CUEDC1: variants seen among roughly 807,000 people sequenced by gnomAD.
CUEDC1 encodes the protein CUE domain-containing protein 1.
CUEDC1 carries 30 observed loss-of-function variants against 43.7 expected under a neutral mutation model. That is an observed-to-expected ratio of 0.69 (90% CI 0.51 to 0.93). CUEDC1 has a LOEUF of 0.93. Ranked by LOEUF, CUEDC1 falls within the 40% of genes least tolerant of loss-of-function variation. CUEDC1 has a pLI of 0.00. For synonymous variants in CUEDC1, 223 were observed against 223.6 expected (o/e 1.00, Z 0.02); for missense variants, 486 against 549.0 (o/e 0.89, Z 1.15).
At chr17:57,927,867 G>A (rs1042164356) in intron 1 of CUEDC1, among the ~76,000 whole-genome samples, 3 of 152,198 alleles carry the variant, frequency 2.0e-5, no homozygotes, top group Admixed American at 6.5e-5. Context: ...ACCCTGTAAG[G>A]TCGGTACTGT....
At chr17:57,952,287 C>T (rs559066755) in intron 1 of CUEDC1, among the ~76,000 whole-genome samples, 1 of 151,624 alleles carries the variant, frequency 6.6e-6, no homozygotes, top group East Asian at 1.9e-4. Context: ...AGTGCAATGG[C>T]ACAACTTCGG....
At chr17:57,953,272 A>C (rs1173492856) in intron 1 of CUEDC1, among the ~76,000 whole-genome samples, 3 of 152,206 alleles carry the variant, frequency 2.0e-5, no homozygotes, top group African/African-American at 7.2e-5. Flanking sequence ...CAGTGGGCCT[A>C]GTCCAGTGCC....
chr17:57,882,715 G>A (rs1426507720), intron 2 of CUEDC1, among the ~76,000 whole-genome samples: 1 of 152,184 alleles, frequency 6.6e-6, no homozygotes, highest in Non-Finnish European at 1.5e-5. Flanking sequence ...AGATGAGGAT[G>A]AAGCCCTTTA....
At chr17:57,949,726 C>G (rs2074989211) in intron 1 of CUEDC1, among the ~76,000 whole-genome samples, 1 of 151,972 alleles carries the variant, frequency 6.6e-6, no homozygotes, top group African/African-American at 2.4e-5. Context: ...ATACATGCCA[C>G]CACGCCTAGC....
At chr17:57,868,578 C>A (rs1011143579) in intron 7 of CUEDC1, 24 of 376,380 alleles carry the variant, frequency 6.4e-5, no homozygotes, top group Non-Finnish European at 3.0e-5. Flanking sequence ...CCCGCCGCCA[C>A]CGCCTTCCCG....
chr17:57,903,327 T>C (rs1231329220), intron 1 of CUEDC1: 1 of 152,258 alleles, frequency 6.6e-6, no homozygotes, highest in East Asian at 1.9e-4. Context: ...TGTATTTCCA[T>C]GGCAGCCACA....
chr17:57,928,161 C>A (rs1395903608), intron 1 of CUEDC1, among the ~76,000 whole-genome samples: 3 of 152,164 alleles, frequency 2.0e-5, no homozygotes, highest in African/African-American at 7.2e-5. Flanking sequence ...AAATCGAATG[C>A]AATTTAATGT....
chr17:57,891,094 T>C (rs541672293), intron 1 of CUEDC1, among the ~76,000 whole-genome samples: 3 of 152,314 alleles, frequency 2.0e-5, no homozygotes, highest in East Asian at 1.9e-4. Context: ...TGGCTTGGAA[T>C]ACCATCTGCA....
intron 1 of CUEDC1, among the ~76,000 whole-genome samples, chr17:57,950,208 T>C (rs936022469): frequency 6.6e-6 from 1 of 151,660 alleles, no homozygotes; most frequent in Non-Finnish European, 1.5e-5. Context: ...TGGAGTGTAG[T>C]GGCGCGATCT....
intron 1 of CUEDC1, among the ~76,000 whole-genome samples, chr17:57,912,939 C>T (rs943000414): frequency 1.3e-5 from 2 of 152,132 alleles, no homozygotes; most frequent in African/African-American, 4.8e-5. Context: ...ACCTCCTGGG[C>T]TCAAAAGCGA....
chr17:57,910,057 T>C (rs758672075), intron 1 of CUEDC1, among the ~76,000 whole-genome samples: 11 of 152,168 alleles, frequency 7.2e-5, no homozygotes, highest in Non-Finnish European at 1.5e-4. Flanking sequence ...TGCAGGACCA[T>C]AGCTCACTGC....
Position 57,879,611 on chromosome 17 carries a change from C to CGGGGAGGCGGAGTCG in CUEDC1, c.449_463dup (p.Pro150_Pro154dup). ...GCTCTGAGACATGACAGATTCTCAC[C>CGGGGAGGCGGAGTCG]GGGGAGGCGGAGTCGGGGGAGCCAG... On this transcript the variant is annotated inframe_insertion and splice_region_variant, in exon 3 of 11. Coordinates refer to ENST00000577830, the MANE Select transcript of CUEDC1 (RefSeq NM_001271875.2). 6.3e-7 allele frequency: 1 copy of CGGGGAGGCGGAGTCG among 1,587,826 alleles called. No homozygotes were observed. Among genetic ancestry groups the CGGGGAGGCGGAGTCG allele is most frequent in the Non-Finnish European group, 8.5e-7 (1 of 1,171,496 alleles).
intron 1 of CUEDC1, among the ~76,000 whole-genome samples, chr17:57,918,175 T>C (rs1461572497): frequency 6.6e-6 from 1 of 152,200 alleles, no homozygotes; most frequent in East Asian, 1.9e-4. Flanking sequence ...TACTCAACAG[T>C]CTTCCCACCA....
At chr17:57,887,400 C>A (rs570575885) in intron 1 of CUEDC1, among the ~76,000 whole-genome samples, 4 of 152,192 alleles carry the variant, frequency 2.6e-5, no homozygotes, top group Admixed American at 6.5e-5. Context: ...TTTTAAGGGA[C>A]AATTCCATCA....
chr17:57,864,982 G>A (rs1361485290), intron 10 of CUEDC1, among the ~76,000 whole-genome samples: 8 of 152,192 alleles, frequency 5.3e-5, no homozygotes, highest in Non-Finnish European at 1.0e-4. Flanking sequence ...GCTTGAACCT[G>A]AGAGGTGAAG....
In CUEDC1 at chr17:57,871,289, G is replaced by T. The variant is rs2074030950; in HGVS notation, c.865C>A (p.Pro289Thr). ...CTTCCCCAGAAGGCAAAGTTACCTG[G>T]GACAGGAGAGGAAAAGCCAAAGTCG... ...GNDFGFSSPV[P>T]GTGDANPAVS... The change falls in exon 6 of 11, where the codon CCA (proline) becomes ACA (threonine). Residue 289 changes from proline to threonine, a missense_variant. Coordinates refer to ENST00000577830, the MANE Select transcript of CUEDC1 (RefSeq NM_001271875.2). The T allele has an allele frequency of 3.7e-6, 6 of 1,612,780 alleles. No individual in the cohort carries two copies. The highest frequency in any genetic ancestry group is 5.1e-6 in the Non-Finnish European group (6 of 1,178,908).
intron 1 of CUEDC1, among the ~76,000 whole-genome samples, chr17:57,898,038 G>GA (rs1419946520): frequency 3.3e-5 from 5 of 152,154 alleles, no homozygotes; most frequent in African/African-American, 7.2e-5. Context: ...AATTGTGGTA[G>GA]AAAAAATCTT....
Position 57,879,652 on chromosome 17 carries a change from G to A in CUEDC1, c.423C>T (p.Phe141=), listed in dbSNP as rs377293899. Reference sequence around the variant, plus strand: ...GGGGAGCCAGAGGGTAGGGCCGGTCGAACACGTGCATGTGGTAGGCTGGCG... The same window carrying A: ...GGGGAGCCAGAGGGTAGGGCCGGTCAAACACGTGCATGTGGTAGGCTGGCG... The part of the protein sequence containing the change: ...YSPPAYHMHV[F]DRPYPLAPPT... The change falls in exon 3 of 11, where the codon TTC becomes TTT. Residue 141 remains phenylalanine (F), a synonymous_variant. Coordinates refer to ENST00000577830, the MANE Select transcript of CUEDC1 (RefSeq NM_001271875.2). The A allele has an allele frequency of 5.0e-5, 80 of 1,604,256 alleles. No individual in the cohort carries two copies. The highest frequency in any genetic ancestry group is 6.3e-5 in the Non-Finnish European group (74 of 1,176,828).
rs555043344 is a variant in CUEDC1, at chr17:57,866,506, C to T, written c.1132G>A (p.Val378Met). 1.9e-6 allele frequency: 3 copies of T among 1,614,216 alleles called. No homozygotes were observed. The highest frequency in any genetic ancestry group is 2.7e-5 in the African/African-American group (2 of 75,068). ...FRGRRQEAPKVEEGLREGQ is the reference protein window; with the variant it reads ...FRGRRQEAPKMEEGLREGQ ...TGTCCTTCTCGCAGGCCTTCCTCCA[C>T]CTTGGGTGCCTCCTGACGCCTGCCC... Residue 378 changes from valine to methionine, a missense_variant, in exon 10 of 11, where the codon GTG (valine) becomes ATG (methionine). Val to Met is a conservative substitution (Grantham distance 21). Transcript: ENST00000577830.
Sources: allele counts gnomAD v4.1 joint callset (sites outside exome capture counted in the v4.1 genomes callset), GRCh38; gene constraint gnomAD v4.1.1; transcripts MANE v1.5; gene names NCBI Gene and HGNC (gene_info 2026-07-23, HGNC 2026-07-21).